The following MYRFL variants were observed in gnomAD, a reference collection of about 807,000 sequenced individuals.
MYRFL encodes the protein myelin regulatory factor like.
A neutral mutation model predicts 109.4 loss-of-function variants in MYRFL; 88 were observed. The observed-to-expected ratio is 0.80, with a 90% CI of 0.68 to 0.96. MYRFL has a LOEUF of 0.96. MYRFL is among the 40% of genes least tolerant of loss of function. MYRFL has a pLI of 0.00. For missense variants in MYRFL, 957 were observed against 954.9 expected, an observed-to-expected ratio of 1.00 and a Z score of -0.03; for synonymous variants, 324 against 320.9, an observed-to-expected ratio of 1.01 and a Z score of -0.10.
intron 1 of MYRFL, among the ~76,000 whole-genome samples, chr12:69,829,305 G>A (rs529043489): frequency 4.6e-5 from 7 of 152,230 alleles, no homozygotes; most frequent in Admixed American, 2.6e-4. Context: ...AGAGGGCAGT[G>A]GGGATGCAGG....
intron 1 of MYRFL, among the ~76,000 whole-genome samples, chr12:69,841,177 T>G (rs17107159): frequency 0.014 from 2,164 of 152,256 alleles, 57 homozygotes; most frequent in African/African-American, 0.049. Flanking sequence ...CTCACTTCTA[T>G]CTCCAAGAGT....
chr12:69,828,018 T>C (rs979523603), intron 1 of MYRFL, among the ~76,000 whole-genome samples: 5 of 152,140 alleles, frequency 3.3e-5, no homozygotes, highest in Admixed American at 6.6e-5. Context: ...ATATATAATG[T>C]TATAATCAGG....
intron 5 of MYRFL, among the ~76,000 whole-genome samples, chr12:69,881,934 G>A (rs905441390): frequency 6.6e-6 from 1 of 151,964 alleles, no homozygotes; most frequent in Non-Finnish European, 1.5e-5. Flanking sequence ...CTAGCCAGAC[G>A]GGGGAACCAT....
chr12:69,860,608 T>G (rs1245182474), intron 2 of MYRFL, among the ~76,000 whole-genome samples: 2 of 152,084 alleles, frequency 1.3e-5, no homozygotes, highest in Non-Finnish European at 2.9e-5. Flanking sequence ...TTAAAAAATG[T>G]TCATCCCCTC....
Position 69,891,100 on chromosome 12 carries a change from A to G in MYRFL, c.837A>G (p.Lys279=), listed in dbSNP as rs1294741998. ...ACATCCAAGTTTGGGGAAGTCCAAA[A>G]TTTGTTGAAACCGAGATGGGCCTAA... The part of the protein sequence containing the change: ...TIHIQVWGSP[K]FVETEMGLKP... The change falls in exon 7 of 25, where the codon AAA becomes AAG. Residue 279 remains lysine (K), a synonymous_variant. Transcript: ENST00000552032. The G allele has an allele frequency of 6.5e-7, 1 of 1,535,036 alleles. No homozygotes were observed. Among genetic ancestry groups the G allele is most frequent in the African/African-American group, 1.4e-5 (1 of 73,000 alleles).
In MYRFL at chr12:69,844,945, G is replaced by A. The variant is rs1565965614; in HGVS notation, c.47-10335G>A. ...AAAGTATATGATGTCACTCTCCAAA[G>A]GCTTCCTATTGCTCTGCCCTCCTGT... On this transcript the variant is annotated intron_variant, in intron 1 of 24. Transcript: ENST00000552032. Among the ~76,000 whole-genome samples, 5 of 152,090 alleles carry A rather than the reference G, an allele frequency of 3.3e-5. No homozygotes were observed. In the South Asian group the frequency reaches 1.0e-3, roughly 32 times the overall value.
In MYRFL at chr12:69,853,832, G is replaced by A. The variant is rs540595142; in HGVS notation, c.47-1448G>A. Reference sequence around the variant, plus strand: ...CTCCTCACTTCCCAGACGGGATCGCGGCCGGGAAGAGGCGCTCCTCATTTC... The same window carrying A: ...CTCCTCACTTCCCAGACGGGATCGCAGCCGGGAAGAGGCGCTCCTCATTTC... On this transcript the variant is annotated intron_variant, in intron 1 of 24. Coordinates refer to ENST00000552032, the MANE Select transcript of MYRFL (RefSeq NM_182530.3). Among the ~76,000 whole-genome samples the A allele has an allele frequency of 1.1e-4, 16 of 150,074 alleles. No homozygotes were observed. The East Asian group carries it at 3.0e-3, about 28-fold the overall frequency.
At chr12:69,842,176 A>G (rs907270412) in intron 1 of MYRFL, among the ~76,000 whole-genome samples, 9 of 152,310 alleles carry the variant, frequency 5.9e-5, no homozygotes, top group Admixed American at 5.9e-4. Context: ...CAATGTGGGA[A>G]GTTTATGCTG....
chr12:69,956,630 C>CTGTT (rs1956103503), intron 22 of MYRFL, among the ~76,000 whole-genome samples: 1 of 151,662 alleles, frequency 6.6e-6, no homozygotes, highest in Non-Finnish European at 1.5e-5. Context: ...TTGCCCAGCT[C>CTGTT]TGTTTTCCTC....
At chr12:69,864,452 C>T (rs2136326244) in intron 2 of MYRFL, among the ~76,000 whole-genome samples, 1 of 152,196 alleles carries the variant, frequency 6.6e-6, no homozygotes, top group East Asian at 1.9e-4. Context: ...CCCACCTCAG[C>T]ATACCTGCAA....
chr12:69,855,492 T>C, intron 2 of MYRFL, 122 bp downstream of exon 2: 1 of 595,654 alleles, frequency 1.7e-6, no homozygotes, highest in Non-Finnish European at 3.0e-6. Flanking sequence ...TTGACATTAT[T>C]ATGTCTATGG....
At chr12:69,858,816 TTA>T (rs905904933) in intron 2 of MYRFL, among the ~76,000 whole-genome samples, 3 of 152,034 alleles carry the variant, frequency 2.0e-5, no homozygotes, top group Non-Finnish European at 4.4e-5. Context: ...ATTTTCTCTA[TTA>T]TGTTTGTTTT....
Position 69,825,744 on chromosome 12 carries a change from G to A in MYRFL, c.46+181G>A, listed in dbSNP as rs1469613181. 3.9e-5 allele frequency among the ~76,000 whole-genome samples: 6 copies of A among 152,048 alleles called. No homozygotes were observed. In the East Asian group the frequency reaches 1.2e-3, roughly 29 times the overall value. The stretch of plus-strand genomic sequence containing the variant: ...CATTGGGAGCAAAATTCAATGGTAT[G>A]GATAGAGATTTTAAACAAAACAGGA... On this transcript the variant is annotated intron_variant, in intron 1 of 24. Transcript: ENST00000552032.
intron 5 of MYRFL, among the ~76,000 whole-genome samples, chr12:69,881,576 G>A (rs1886114016): frequency 6.6e-6 from 1 of 152,240 alleles, no homozygotes; most frequent in South Asian, 2.1e-4. Flanking sequence ...GTCAGCTCCA[G>A]CGTGGGCTGT....
chr12:69,921,914 AG>A (rs199573731), intron 13 of MYRFL, among the ~76,000 whole-genome samples: 11,330 of 152,232 alleles, frequency 0.074, 515 homozygotes, highest in Middle Eastern at 0.12. Flanking sequence ...TGCGGTTTAG[AG>A]GGGACTTTAT....
chr12:69,891,564 TC>T, intron 7 of MYRFL, among the ~76,000 whole-genome samples: 1 of 82,598 alleles, frequency 1.2e-5, no homozygotes, highest in Non-Finnish European at 2.7e-5. Context: ...GGTGTCAATT[TC>T]TTTCTTTCTT....
chr12:69,946,572 A>G (rs541384330), intron 19 of MYRFL: 1 of 152,210 alleles, frequency 6.6e-6, no homozygotes, highest in Non-Finnish European at 1.5e-5. Flanking sequence ...CTTTTAACTG[A>G]ATTGTTTTTA....
intron 11 of MYRFL, 51 bp from the exon 12 acceptor site, chr12:69,909,918 G>T: frequency 1.5e-6 from 2 of 1,297,922 alleles, no homozygotes; most frequent in South Asian, 2.9e-5. Flanking sequence ...GCATTAATTT[G>T]AATAGCAAAT....
At chr12:69,862,403 T>C (rs1265529770) in intron 2 of MYRFL, among the ~76,000 whole-genome samples, 2 of 152,216 alleles carry the variant, frequency 1.3e-5, no homozygotes, top group African/African-American at 2.4e-5. Flanking sequence ...CTTCCATTTG[T>C]TTGTAACCTC....
Sources: gnomAD v4.1 joint callset for allele counts (sites outside exome capture counted in the v4.1 genomes callset) on GRCh38, gnomAD v4.1.1 for gene constraint, MANE v1.5 for transcripts, NCBI Gene and HGNC (gene_info 2026-07-23, HGNC 2026-07-21) for gene names.